The following RXRG variants were observed in gnomAD, a reference collection of about 807,000 sequenced individuals.
RXRG encodes retinoic acid receptor RXR-gamma.
RXRG carries 19 observed loss-of-function variants against 49.2 expected under a neutral mutation model. The observed-to-expected ratio is 0.39, with a 90% CI of 0.27 to 0.57. The LOEUF (loss-of-function observed/expected upper bound fraction) is 0.57, where lower values mean the gene tolerates loss of function less well. Among genes scored for constraint, RXRG ranks in the 20% least tolerant of loss-of-function variants. The pLI, the probability that RXRG is intolerant of heterozygous loss-of-function variation, is 0.64. For synonymous variants in RXRG, 224 were observed against 216.6 expected (o/e 1.03, Z -0.30); for missense variants, 452 against 592.5 (o/e 0.76, Z 2.46).
chr1:165,419,671 A>T (rs1658243312), intron 3 of RXRG, among the ~76,000 whole-genome samples, 199 bp downstream of exon 3: 3 of 152,208 alleles, frequency 2.0e-5, no homozygotes, highest in Non-Finnish European at 4.4e-5. Context: ...TGTAAATCTC[A>T]TCCTCAAAAA....
chr1:165,414,567 T>C (rs1368345995), intron 4 of RXRG, among the ~76,000 whole-genome samples: 1 of 152,234 alleles, frequency 6.6e-6, no homozygotes, highest in African/African-American at 2.4e-5. Context: ...AAACTGTTAC[T>C]GTTCCAAGTC....
chr1:165,427,243 G>A (rs746139874), intron 2 of RXRG, among the ~76,000 whole-genome samples: 1 of 152,194 alleles, frequency 6.6e-6, no homozygotes, highest in Non-Finnish European at 1.5e-5. Flanking sequence ...GACTCTGGCT[G>A]TTATACAGGG....
At chr1:165,425,873 C>A (rs894624839) in intron 2 of RXRG, among the ~76,000 whole-genome samples, 1 of 152,240 alleles carries the variant, frequency 6.6e-6, no homozygotes, top group Admixed American at 6.5e-5. Flanking sequence ...TACCCGGGAG[C>A]ACTGATTATC....
chr1:165,411,664 G>C (rs1382957465), intron 4 of RXRG, among the ~76,000 whole-genome samples: 1 of 152,132 alleles, frequency 6.6e-6, no homozygotes, highest in East Asian at 1.9e-4. Context: ...TAAGTGAAGG[G>C]GTGGAGGGAT....
At chr1:165,436,476 G>T (rs1261507506) in intron 1 of RXRG, among the ~76,000 whole-genome samples, 1 of 152,184 alleles carries the variant, frequency 6.6e-6, no homozygotes, top group Non-Finnish European at 1.5e-5. Context: ...GGAGACTATG[G>T]CACTAAATTT....
intron 1 of RXRG, among the ~76,000 whole-genome samples, chr1:165,441,602 G>A (rs375236053): frequency 1.3e-5 from 2 of 152,184 alleles, no homozygotes; most frequent in Non-Finnish European, 2.9e-5. Context: ...TACATGAGCC[G>A]AGGCTGGTAA....
intron 3 of RXRG, among the ~76,000 whole-genome samples, chr1:165,418,183 T>C (rs1160343204): frequency 6.6e-6 from 1 of 150,686 alleles, no homozygotes; most frequent in Non-Finnish European, 1.5e-5. Flanking sequence ...CATATTTCAT[T>C]GCCCTTATTA....
At chr1:165,429,974 G>A (rs1658620307) in intron 1 of RXRG, among the ~76,000 whole-genome samples, 1 of 152,154 alleles carries the variant, frequency 6.6e-6, no homozygotes, top group Admixed American at 6.5e-5. Context: ...CAGCAAAGCA[G>A]AGACTAGAAA....
chr1:165,441,033 G>A (rs1658967882), intron 1 of RXRG, among the ~76,000 whole-genome samples: 1 of 152,224 alleles, frequency 6.6e-6, no homozygotes, highest in Non-Finnish European at 1.5e-5. Flanking sequence ...ACATATCTGT[G>A]GAGGGGAAAA....
At position 165,428,833 on chromosome 1, in the gene RXRG, G is replaced by A; in HGVS notation, c.183C>T (p.Thr61=). The change falls in exon 2 of 10, where the codon ACC becomes ACT. Residue 61 remains threonine, a synonymous_variant. Transcript: ENST00000359842. ...ATGGAGAGCCCAGGGCATTGAGGGG[G>A]GTCCCCACTGCACTCAGAGTCCGTG... ...SAPRTLSAVG[T]PLNALGSPYR... 6.2e-7 allele frequency: 1 copy of A among 1,614,134 alleles called. No individual in the cohort carries two copies. Among genetic ancestry groups the A allele is most frequent in the Non-Finnish European group, 8.5e-7 (1 of 1,180,004 alleles).
Position 165,413,735 on chromosome 1 carries a change from G to A in RXRG, c.623-2626C>T, listed in dbSNP as rs1658029562. The stretch of plus-strand genomic sequence containing the variant: ...CCTGAGGTGGCCCACTAATCAGAGG[G>A]TCCCAGTCCTATACAGGGTCTGCCA... On this transcript the variant is annotated intron_variant, in intron 4 of 9. Coordinates refer to ENST00000359842, the MANE Select transcript of RXRG (RefSeq NM_006917.5). Among the ~76,000 whole-genome samples the A allele has an allele frequency of 2.0e-5, 3 of 152,176 alleles. No homozygotes were observed. The South Asian group carries it at 6.2e-4, about 32-fold the overall frequency.
intron 1 of RXRG, among the ~76,000 whole-genome samples, chr1:165,439,064 CAT>C (rs774713434): frequency 6.6e-6 from 1 of 152,072 alleles, no homozygotes; most frequent in African/African-American, 2.4e-5. Context: ...AAACTGTTCA[CAT>C]GTGTTACTTA....
intron 1 of RXRG, among the ~76,000 whole-genome samples, chr1:165,439,874 A>G (rs1658927066): frequency 6.6e-6 from 1 of 152,236 alleles, no homozygotes; most frequent in African/African-American, 2.4e-5. Flanking sequence ...CCCCTTGAAT[A>G]TGCTGATAAT....
intron 3 of RXRG, among the ~76,000 whole-genome samples, chr1:165,418,520 C>T (rs541395778): frequency 2.4e-4 from 36 of 152,156 alleles, no homozygotes; most frequent in Non-Finnish European, 4.9e-4. Context: ...TCAGAGGAAG[C>T]CACTGTAAGA....
intron 4 of RXRG, among the ~76,000 whole-genome samples, chr1:165,415,136 G>C (rs1027748505): frequency 2.6e-5 from 4 of 152,110 alleles, no homozygotes; most frequent in East Asian, 1.9e-4. Flanking sequence ...ACCAGGCAAG[G>C]CTTTACCAAG....
intron 2 of RXRG, among the ~76,000 whole-genome samples, chr1:165,424,322 C>A (rs541286630): frequency 6.6e-6 from 1 of 152,326 alleles, no homozygotes; most frequent in South Asian, 2.1e-4. Flanking sequence ...ATGAACTTCT[C>A]TAGAACCTCT....
At position 165,419,997 on chromosome 1, in the gene RXRG, A is replaced by G. The variant is rs1557917390; in HGVS notation, c.315T>C (p.Ser105=). ...PPSSQLNVVN[S]VSSSEDIKPL... ...GCTTGATGTCCTCTGAACTGCTGAC[A>G]CTGTTGACCACATTTAGCTGCAAGA... Residue 105 remains serine (S), a synonymous_variant, in exon 3 of 10, where the codon AGT becomes AGC. Transcript: ENST00000359842. The G allele has an allele frequency of 1.2e-6, 2 of 1,603,182 alleles. No individual in the cohort carries two copies. Among genetic ancestry groups the G allele is most frequent in the Non-Finnish European group, 1.7e-6 (2 of 1,174,682 alleles).
At chr1:165,422,721 A>G (rs1275599188) in intron 2 of RXRG, among the ~76,000 whole-genome samples, 1 of 152,196 alleles carries the variant, frequency 6.6e-6, no homozygotes, top group African/African-American at 2.4e-5. Context: ...AGAGGCTTGG[A>G]GCAGAGAAAT....
intron 1 of RXRG, among the ~76,000 whole-genome samples, chr1:165,431,401 G>T (rs374337715): frequency 6.6e-6 from 1 of 152,300 alleles, no homozygotes; most frequent in East Asian, 1.9e-4. Context: ...GAGGCCCTGG[G>T]GGCTGTGACA....
Sources: gnomAD v4.1 joint callset for allele counts (sites outside exome capture counted in the v4.1 genomes callset) on GRCh38, gnomAD v4.1.1 for gene constraint, MANE v1.5 for transcripts, NCBI Gene and HGNC (gene_info 2026-07-23, HGNC 2026-07-21) for gene names.